The following POLR1D variants were observed in gnomAD, a reference collection of about 807,000 sequenced individuals.
The protein encoded by POLR1D is DNA-directed RNA polymerases I and III subunit RPAC2.
In POLR1D, 8 loss-of-function variants were observed where a neutral mutation model predicts 10.8. That is an observed-to-expected ratio of 0.74 (90% CI 0.43 to 1.33). The LOEUF (loss-of-function observed/expected upper bound fraction) is 1.33, where lower values mean the gene tolerates loss of function less well. Ranked by LOEUF, POLR1D falls within the 40% of genes most tolerant of loss-of-function variation. The probability of loss-of-function intolerance (pLI) is 0.01; values close to 1 mark genes in which losing one functional copy is unlikely to be tolerated. For synonymous variants in POLR1D, 54 were observed against 57.2 expected, an observed-to-expected ratio of 0.94 and a Z score of 0.25; for missense variants, 152 against 161.7, an observed-to-expected ratio of 0.94 and a Z score of 0.32.
intron 1 of POLR1D, among the ~76,000 whole-genome samples, chr13:27,629,298 A>G (rs1330935241): frequency 6.6e-6 from 1 of 152,182 alleles, no homozygotes; most frequent in African/African-American, 2.4e-5. Flanking sequence ...CCTTGGACAT[A>G]CTGTTTGATC....
chr13:27,626,539 G>T (rs1309117829), downstream of POLR1D, among the ~76,000 whole-genome samples: 3 of 152,170 alleles, frequency 2.0e-5, no homozygotes, highest in Admixed American at 6.5e-5. Context: ...AAGTCTGTAG[G>T]GACCTGAGGG....
chr13:27,642,393 G>A (rs1956182931), intron 1 of POLR1D, among the ~76,000 whole-genome samples: 1 of 152,092 alleles, frequency 6.6e-6, no homozygotes, highest in African/African-American at 2.4e-5. Flanking sequence ...CTGTTTGTTT[G>A]GCCACTACAG....
At chr13:27,657,796 A>AT (rs1049234639) in intron 2 of POLR1D, among the ~76,000 whole-genome samples, 2 of 152,118 alleles carry the variant, frequency 1.3e-5, no homozygotes, top group Admixed American at 6.5e-5. Flanking sequence ...TCACATTTTG[A>AT]TTCTTGATCT....
intron 1 of POLR1D, among the ~76,000 whole-genome samples, chr13:27,645,211 C>T (rs1956208270): frequency 6.6e-6 from 1 of 152,160 alleles, no homozygotes; most frequent in Non-Finnish European, 1.5e-5. Flanking sequence ...TCAGCCTATC[C>T]CCCAGTTCTC....
intron 2 of POLR1D, among the ~76,000 whole-genome samples, chr13:27,661,139 C>T (rs905794812): frequency 6.6e-6 from 1 of 152,222 alleles, no homozygotes; most frequent in African/African-American, 2.4e-5. Flanking sequence ...CTTGAGCAGT[C>T]AGCCTTTCCC....
At chr13:27,646,953 A>G (rs1278350885) in intron 1 of POLR1D, among the ~76,000 whole-genome samples, 1 of 152,220 alleles carries the variant, frequency 6.6e-6, no homozygotes, top group African/African-American at 2.4e-5. Context: ...AAGATTATAT[A>G]GTATATGGTA....
chr13:27,643,368 G>T (rs1956192532), intron 1 of POLR1D, among the ~76,000 whole-genome samples: 1 of 151,936 alleles, frequency 6.6e-6, no homozygotes. Flanking sequence ...TTGAATTTTT[G>T]TACCTTTCTT....
At chr13:27,659,309 G>A (rs1342232937) in intron 2 of POLR1D, among the ~76,000 whole-genome samples, 1 of 152,172 alleles carries the variant, frequency 6.6e-6, no homozygotes, top group African/African-American at 2.4e-5. Flanking sequence ...AGCATCAAGT[G>A]ATCACAGTGT....
chr13:27,633,143 G>A (rs1308551045), intron 1 of POLR1D, among the ~76,000 whole-genome samples: 3 of 152,152 alleles, frequency 2.0e-5, no homozygotes, highest in Admixed American at 1.3e-4. Context: ...CAGAGGAGTA[G>A]CCTATGCAGT....
At chr13:27,652,656 A>AG (rs34458552) in intron 2 of POLR1D, among the ~76,000 whole-genome samples, 109,558 of 151,910 alleles carry the variant, frequency 0.72, 40,381 homozygotes, top group East Asian at 0.91. Flanking sequence ...GGATCACTTG[A>AG]GTCAGGAGTT....
intron 1 of POLR1D, chr13:27,622,381 G>C (rs917886300): frequency 2.9e-6 from 1 of 350,344 alleles, no homozygotes; most frequent in African/African-American, 2.1e-5. Context: ...TCTGTGCGCT[G>C]AGCTCTTTTT....
At chr13:27,647,510 AC>A (rs1333049739) in intron 1 of POLR1D, among the ~76,000 whole-genome samples, 1 of 152,126 alleles carries the variant, frequency 6.6e-6, no homozygotes, top group East Asian at 1.9e-4. Context: ...GGCATAAGCC[AC>A]CACACCTAGC....
intron 1 of POLR1D, among the ~76,000 whole-genome samples, chr13:27,635,447 A>C (rs1160158662): frequency 6.6e-6 from 1 of 151,894 alleles, no homozygotes; most frequent in East Asian, 1.9e-4. Flanking sequence ...GGTTGACCTC[A>C]GACAAGGCAG....
intron 1 of POLR1D, among the ~76,000 whole-genome samples, chr13:27,644,549 G>A (rs1956202716): frequency 6.6e-6 from 1 of 152,166 alleles, no homozygotes; most frequent in Non-Finnish European, 1.5e-5. Context: ...AAAATTGATT[G>A]TGGTTTGTTC....
intron 1 of POLR1D, among the ~76,000 whole-genome samples, chr13:27,647,227 T>C (rs1956228936): frequency 6.6e-6 from 1 of 152,168 alleles, no homozygotes; most frequent in African/African-American, 2.4e-5. Flanking sequence ...CAGAATATGG[T>C]TGATAAATAT....
downstream of POLR1D, among the ~76,000 whole-genome samples, chr13:27,627,900 A>G (rs1956033469): frequency 6.6e-6 from 1 of 152,188 alleles, no homozygotes; most frequent in South Asian, 2.1e-4. Context: ...AAAATGCTTA[A>G]ACAAAAAAAG....
downstream of POLR1D, among the ~76,000 whole-genome samples, chr13:27,623,644 C>G (rs1955976740): frequency 7.6e-6 from 1 of 131,084 alleles, no homozygotes; most frequent in South Asian, 2.8e-4. Context: ...AGACAAAAAC[C>G]ATGACCCCAG....
At chr13:27,661,034 A>G (rs1200446433) in intron 2 of POLR1D, 1 of 152,218 alleles carries the variant, frequency 6.6e-6, no homozygotes, top group African/African-American at 2.4e-5. Flanking sequence ...GGAAAGTTAG[A>G]TACTACTACC....
At chr13:27,622,132 G>A in intron 1 of POLR1D, 123 bp downstream of exon 1, 1 of 786,348 alleles carries the variant, frequency 1.3e-6, no homozygotes, top group South Asian at 1.5e-5. Flanking sequence ...AGCATGGAGA[G>A]AGAAGTGGGG....
Sources: allele counts gnomAD v4.1 joint callset (sites outside exome capture counted in the v4.1 genomes callset), GRCh38; gene constraint gnomAD v4.1.1; transcripts MANE v1.5; gene names NCBI Gene and HGNC (gene_info 2026-07-23, HGNC 2026-07-21).